NEK1: variants seen among roughly 807,000 people sequenced by gnomAD.
NEK1 encodes serine/threonine-protein kinase Nek1.
A neutral mutation model predicts 182.1 loss-of-function variants in NEK1; 137 were observed. The ratio of observed to expected loss-of-function variants is 0.75; its 90% CI spans 0.65 to 0.87. The LOEUF (loss-of-function observed/expected upper bound fraction) is 0.87. NEK1 is among the 40% of genes least tolerant of loss of function. The probability of loss-of-function intolerance (pLI) is 0.00; values close to 1 mark genes in which losing one functional copy is unlikely to be tolerated. For missense variants in NEK1, 1,391 were observed against 1,494.4 expected (o/e 0.93, Z 1.14); for synonymous variants, 513 against 492.2 (o/e 1.04, Z -0.56).
At position 169,424,658 on chromosome 4, in the gene NEK1, T is replaced by C. The variant is rs954917764; in HGVS notation, c.3117A>G (p.Glu1039=). The C allele has an allele frequency of 6.2e-7, 1 of 1,613,848 alleles. No homozygotes were observed. Among genetic ancestry groups the C allele is most frequent in the Non-Finnish European group, 8.5e-7 (1 of 1,179,774 alleles). The change falls in exon 31 of 36, where the codon GAA becomes GAG. Residue 1039 remains glutamate, a synonymous_variant. Transcript: ENST00000507142. The part of the protein sequence containing the change: ...QVQSVQCSPE[E]SFAFRSHSHL... The stretch of plus-strand genomic sequence containing the variant: ...GCGAGTGAGATCGAAATGCAAAGGA[T>C]TCTTCTGGTGAACACTGAACTGATT...
At chr4:169,500,177 G>A (rs1271605395) in intron 23 of NEK1, among the ~76,000 whole-genome samples, 12 of 152,198 alleles carry the variant, frequency 7.9e-5, no homozygotes, top group Non-Finnish European at 1.6e-4. Context: ...GCGAGGCTCC[G>A]TGGGCATAGG....
chr4:169,396,917 A>G (rs184354330), intron 35 of NEK1, among the ~76,000 whole-genome samples: 5 of 152,258 alleles, frequency 3.3e-5, no homozygotes, highest in African/African-American at 7.2e-5. Flanking sequence ...CCTAAAAGAT[A>G]GCTGTCTGGA....
At chr4:169,585,292 A>AT (rs1767347936) in intron 10 of NEK1, 57 bp downstream of exon 10, 1 of 1,305,906 alleles carries the variant, frequency 7.7e-7, no homozygotes. Flanking sequence ...ACTGGAGGCC[A>AT]TGTCTTAGCT....
chr4:169,437,527 G>A (rs1460552158), intron 28 of NEK1, among the ~76,000 whole-genome samples: 1 of 152,136 alleles, frequency 6.6e-6, no homozygotes, highest in Non-Finnish European at 1.5e-5. Flanking sequence ...TGACTGCTTT[G>A]ACTAATAGAA....
At position 169,507,145 on chromosome 4, in the gene NEK1, A is replaced by C; in HGVS notation, c.1912-13T>G. The stretch of plus-strand genomic sequence containing the variant: ...CATTTGCATGGGCCTAAAAATAAAA[A>C]CAATTAACAAAATGAGTTACCAGAA... On this transcript the variant is annotated splice_polypyrimidine_tract_variant and intron_variant, in intron 22 of 35. Coordinates refer to ENST00000507142, the MANE Select transcript of NEK1 (RefSeq NM_001199397.3). 6.4e-7 allele frequency: 1 copy of C among 1,559,078 alleles called. No homozygotes were observed. Among genetic ancestry groups the C allele is most frequent in the Non-Finnish European group, 8.7e-7 (1 of 1,153,088 alleles).
At chr4:169,514,821 A>G (rs1049856041) in intron 19 of NEK1, among the ~76,000 whole-genome samples, 3 of 152,112 alleles carry the variant, frequency 2.0e-5, no homozygotes, top group Non-Finnish European at 2.9e-5. Flanking sequence ...ACATTACTCT[A>G]TAGTATTACT....
chr4:169,438,088 A>G lies in NEK1; in HGVS notation c.2759T>C (p.Leu920Ser). The G allele has an allele frequency of 1.2e-6, 2 of 1,609,916 alleles. No homozygotes were observed. Among genetic ancestry groups the G allele is most frequent in the East Asian group, 4.5e-5 (2 of 44,820 alleles). The change falls in exon 28 of 36, where the codon TTA becomes TCA. Residue 920 changes from leucine to serine, a missense_variant. This residue lies in a region of NEK1 where 1,216 missense variants were observed against 1,277.6 expected (regional missense o/e 0.95). Transcript: ENST00000507142. ...TTTGACTCATTAGAACATACCTTCT[A>G]AATTTCCTTCCAGTTTCAATGACAT... is the stretch of plus-strand genomic sequence containing the variant. Reference protein sequence around the residue: ...PQMSLKLEGNLEEPDDLETEI... With the variant: ...PQMSLKLEGNSEEPDDLETEI...
chr4:169,484,705 G>A (rs756156806), intron 23 of NEK1, among the ~76,000 whole-genome samples: 5 of 152,182 alleles, frequency 3.3e-5, no homozygotes, highest in Non-Finnish European at 5.9e-5. Context: ...GCCATTCATT[G>A]TTCGGGAAGG....
rs751761210 is a variant in NEK1, at chr4:169,577,027, T to C, written c.921A>G (p.Lys307=). 1 of 1,613,734 alleles carries C rather than the reference T, an allele frequency of 6.2e-7. No homozygotes were observed. The highest frequency in any genetic ancestry group is 1.1e-5 in the South Asian group (1 of 91,086). The part of the protein sequence containing the change: ...QNSISVMPAQ[K]ITKPAAKYGI... ...CATATTTAGCGGCAGGCTTTGTAAT[T>C]TTCTGAGCAGGCATAACAGAAATCG... Residue 307 remains lysine (K), a synonymous_variant, in exon 12 of 36, where the codon AAA becomes AAG. Transcript: ENST00000507142.
intron 11 of NEK1, among the ~76,000 whole-genome samples, chr4:169,578,223 A>C (rs773911043): frequency 2.0e-5 from 3 of 152,240 alleles, no homozygotes; most frequent in Non-Finnish European, 4.4e-5. Context: ...ATTTATTCAC[A>C]TCTCTGGAGG....
chr4:169,578,372 T>G (rs1202634391), intron 11 of NEK1, among the ~76,000 whole-genome samples: 1 of 152,200 alleles, frequency 6.6e-6, no homozygotes, highest in Non-Finnish European at 1.5e-5. Context: ...TTCTTCCACT[T>G]GCAGACTGCT....
chr4:169,531,635 T>C (rs1187349665), intron 19 of NEK1, among the ~76,000 whole-genome samples: 2 of 151,878 alleles, frequency 1.3e-5, no homozygotes, highest in East Asian at 3.9e-4. Context: ...TAGAAGGAAA[T>C]GGCTGAAACC....
intron 23 of NEK1, among the ~76,000 whole-genome samples, chr4:169,500,454 A>T (rs1752225841): frequency 1.3e-5 from 2 of 152,212 alleles, no homozygotes; most frequent in Non-Finnish European, 2.9e-5. Flanking sequence ...CCAGTACCTC[A>T]GTTGGAAATG....
chr4:169,499,252 C>T (rs1396162199), intron 23 of NEK1, among the ~76,000 whole-genome samples: 1 of 152,184 alleles, frequency 6.6e-6, no homozygotes, highest in Admixed American at 6.5e-5. Flanking sequence ...TCAGCTCCAT[C>T]AGGTTCTTTA....
intron 18 of NEK1, among the ~76,000 whole-genome samples, chr4:169,551,194 A>G (rs1231050874): frequency 1.3e-5 from 2 of 152,236 alleles, no homozygotes; most frequent in African/African-American, 4.8e-5. Flanking sequence ...ATTACAAAAA[A>G]AACTTCTTTA....
At chr4:169,454,768 T>C (rs1449702050) in intron 27 of NEK1, among the ~76,000 whole-genome samples, 2 of 152,218 alleles carry the variant, frequency 1.3e-5, no homozygotes, top group East Asian at 1.9e-4. Flanking sequence ...GAAGACAGTG[T>C]GGCAATTCCT....
rs67794467 is a variant in NEK1 at position 169,477,566 on chromosome 4, C to T, written c.2140-69G>A. On this transcript the variant is annotated intron_variant, in intron 24 of 35. Transcript: ENST00000507142. ...TTTAAATCTACCTTTAAAAATATTA[C>T]ATCCTCGTTACTTTTTGGTTTTCAT... 220,531 of 1,150,398 alleles carry T rather than the reference C, an allele frequency of 0.19. 26,869 individuals are homozygous for T. Among genetic ancestry groups the T allele is most frequent in the African/African-American group, 0.58 (36,712 of 63,494 alleles). The allele number at this position is 1,150,398 out of a possible 1,614,324, so 71.3% of individuals were successfully genotyped here.
intron 23 of NEK1, among the ~76,000 whole-genome samples, chr4:169,497,715 T>C (rs1751616339): frequency 6.6e-6 from 1 of 152,228 alleles, no homozygotes; most frequent in South Asian, 2.1e-4. Flanking sequence ...TTGAGCGGTT[T>C]TGAGTGAGTG....
chr4:169,463,821 TAG>T (rs1011183529), intron 26 of NEK1, among the ~76,000 whole-genome samples: 2 of 152,136 alleles, frequency 1.3e-5, no homozygotes, highest in African/African-American at 4.8e-5. Context: ...TTTTAAGAGA[TAG>T]AGTCTCACTA....
Sources: allele counts gnomAD v4.1 joint callset (sites outside exome capture counted in the v4.1 genomes callset), GRCh38; gene constraint gnomAD v4.1.1; regional missense constraint gnomAD v4.1.1; transcripts MANE v1.5; gene names NCBI Gene and HGNC (gene_info 2026-07-23, HGNC 2026-07-21).